Variants in NAV1 observed in about 807,000 individuals in gnomAD.
The protein encoded by NAV1 is pore membrane and/or filament interacting like protein 3.
In NAV1, 18 loss-of-function variants were observed where a neutral mutation model predicts 175.2. That is an observed-to-expected ratio of 0.10 (90% CI 0.07 to 0.15). NAV1 has a LOEUF of 0.15. NAV1 is among the 10% of genes least tolerant of loss of function. The probability of loss-of-function intolerance (pLI) is 1.00; values close to 1 mark genes in which losing one functional copy is unlikely to be tolerated. For missense variants in NAV1, 1,731 were observed against 2,436.6 expected (o/e 0.71, Z 6.10); for synonymous variants, 897 against 978.7 (o/e 0.92, Z 1.56).
At chr1:201,817,409 T>G (rs1209503803) in intron 29 of NAV1, 124 bp downstream of exon 33, 1 of 847,682 alleles carries the variant, frequency 1.2e-6, no homozygotes, top group Admixed American at 2.8e-5. Context: ...TTGTTTGAGT[T>G]CAAAACCAGC....
At chr1:201,554,519 C>A (rs779783000) in intron 1 of NAV1, among the ~76,000 whole-genome samples, 1 of 152,116 alleles carries the variant, frequency 6.6e-6, no homozygotes, top group Non-Finnish European at 1.5e-5. Flanking sequence ...TGGGCTAGGG[C>A]GGCCCTGCTG....
At chr1:201,602,861 C>A (rs190644110) in intron 2 of NAV1, among the ~76,000 whole-genome samples, 1 of 152,152 alleles carries the variant, frequency 6.6e-6, no homozygotes, top group African/African-American at 2.4e-5. Context: ...CACCCAGCCT[C>A]CCCATCCTGA....
chr1:201,805,320 A>G (rs1205882447), intron 17 of NAV1, among the ~76,000 whole-genome samples: 1 of 152,234 alleles, frequency 6.6e-6, no homozygotes, highest in Non-Finnish European at 1.5e-5. Flanking sequence ...GTAAGTGCTA[A>G]AGGAGTTCAC....
intron 2 of NAV1, among the ~76,000 whole-genome samples, chr1:201,631,928 T>A (rs1360786853): frequency 6.6e-6 from 1 of 151,832 alleles, no homozygotes; most frequent in African/African-American, 2.4e-5. Context: ...GCGGTCAGGG[T>A]TTGGTGAAGG....
chr1:201,820,000 C>T, exon 30 of NAV1: 1 of 1,421,128 alleles, frequency 7.0e-7, no homozygotes, highest in South Asian at 1.2e-5. Flanking sequence ...CTCCTCCTCT[C>T]CCCTCTCCTC....
At chr1:201,706,487 T>C (rs1571897147) in intron 1 of NAV1, among the ~76,000 whole-genome samples, 2 of 152,182 alleles carry the variant, frequency 1.3e-5, no homozygotes, top group Non-Finnish European at 1.5e-5. Flanking sequence ...GAGTGATAGC[T>C]ACCATGCCAT....
chr1:201,592,995 T>C (rs1260280961), intron 2 of NAV1, among the ~76,000 whole-genome samples: 1 of 152,176 alleles, frequency 6.6e-6, no homozygotes, highest in Non-Finnish European at 1.5e-5. Context: ...GGGGCCTCTG[T>C]GGACGTTGTT....
chr1:201,673,826 A>G (rs1428568625), intron 1 of NAV1: 1 of 152,250 alleles, frequency 6.6e-6, no homozygotes, highest in Non-Finnish European at 1.5e-5. Context: ...GTCTATAAAT[A>G]CCAAGAGAAT....
intron 1 of NAV1, among the ~76,000 whole-genome samples, chr1:201,664,327 C>T (rs896010938): frequency 5.9e-5 from 9 of 152,118 alleles, no homozygotes; most frequent in African/African-American, 1.7e-4. Flanking sequence ...AGGGACAGAG[C>T]GAGACCATGT....
intron 2 of NAV1, among the ~76,000 whole-genome samples, chr1:201,637,670 C>T (rs1177932689): frequency 6.6e-6 from 1 of 152,194 alleles, no homozygotes; most frequent in Non-Finnish European, 1.5e-5. Flanking sequence ...CTAGATTTGC[C>T]CATCCCGAAG....
chr1:201,570,400 C>T (rs1666497364), intron 1 of NAV1, among the ~76,000 whole-genome samples: 2 of 152,218 alleles, frequency 1.3e-5, no homozygotes, highest in Non-Finnish European at 2.9e-5. Flanking sequence ...TGCCTCTTGC[C>T]CTGCAGGCCC....
At chr1:201,713,058 G>T (rs1671979722) in intron 2 of NAV1, 139 bp downstream of exon 6, 1 of 625,378 alleles carries the variant, frequency 1.6e-6, no homozygotes, top group Non-Finnish European at 2.9e-6. Flanking sequence ...ACTGCAGAAG[G>T]AGGAGGAAAT....
chr1:201,743,334 T>C (rs1293115431), intron 3 of NAV1, among the ~76,000 whole-genome samples: 3 of 152,226 alleles, frequency 2.0e-5, no homozygotes, highest in African/African-American at 7.2e-5. Context: ...TTAGTTGGAA[T>C]GAGGTGAAAA....
At chr1:201,691,794 T>A (rs1308052473) in intron 1 of NAV1, among the ~76,000 whole-genome samples, 3 of 152,206 alleles carry the variant, frequency 2.0e-5, no homozygotes, top group Admixed American at 2.0e-4. Flanking sequence ...CACAACTCCG[T>A]CCTGATAAAC....
chr1:201,756,796 CTTTCTTTCTTTCCTTCTTTCTTTCTTT>C (rs1674491463), intron 3 of NAV1, among the ~76,000 whole-genome samples: 4 of 48,956 alleles, frequency 8.2e-5, no homozygotes, highest in African/African-American at 4.8e-4. Flanking sequence ...GAGCAATTCT[CTTTCTTTCTTTCCTTCTTTCTTTCTTT>C]CTTTCTTTCT....
At chr1:201,582,933 C>G (rs777564558) in intron 1 of NAV1, among the ~76,000 whole-genome samples, 2 of 152,268 alleles carry the variant, frequency 1.3e-5, no homozygotes, top group Non-Finnish European at 2.9e-5. Context: ...ACACCCCACT[C>G]TCTGATCTTA....
intron 15 of NAV1, chr1:201,795,138 T>C (rs1319342772): frequency 6.6e-6 from 1 of 152,586 alleles, no homozygotes; most frequent in Non-Finnish European, 1.5e-5. Context: ...TCCTCTTACT[T>C]GTCCACAGTC....
At chr1:201,597,542 T>G (rs762537042) in intron 2 of NAV1, among the ~76,000 whole-genome samples, 1 of 152,088 alleles carries the variant, frequency 6.6e-6, no homozygotes, top group South Asian at 2.1e-4. Flanking sequence ...TCTGCAAAGA[T>G]CCCTTCCCAC....
intron 2 of NAV1, among the ~76,000 whole-genome samples, chr1:201,595,259 C>T (rs1667319440): frequency 6.6e-6 from 1 of 152,248 alleles, no homozygotes; most frequent in African/African-American, 2.4e-5. Context: ...TGGGCCCTGA[C>T]AGTGTGCTAG....
Sources: allele counts gnomAD v4.1 joint callset (sites outside exome capture counted in the v4.1 genomes callset), GRCh38; gene constraint gnomAD v4.1.1; transcripts MANE v1.5; gene names NCBI Gene and HGNC (gene_info 2026-07-23, HGNC 2026-07-21).